Variants in HIF1A observed in about 807,000 individuals in gnomAD.
HIF1A encodes the protein hypoxia inducible factor 1 subunit alpha.
A neutral mutation model predicts 92.7 loss-of-function variants in HIF1A; 24 were observed. The ratio of observed to expected loss-of-function variants is 0.26; its 90% CI spans 0.19 to 0.36. The LOEUF is 0.36. HIF1A is among the 10% of genes least tolerant of loss of function. The probability of loss-of-function intolerance (pLI) is 1.00; values close to 1 mark genes in which losing one functional copy is unlikely to be tolerated. For synonymous variants in HIF1A, 319 were observed against 338.7 expected (o/e 0.94, Z 0.64); for missense variants, 799 against 998.5 (o/e 0.80, Z 2.69).
chr14:61,722,112 G>C (rs2044438380), intron 4 of HIF1A, among the ~76,000 whole-genome samples: 2 of 148,668 alleles, frequency 1.3e-5, no homozygotes, highest in Non-Finnish European at 1.5e-5. Context: ...TTAAGATGGG[G>C]TCTCGCTCTT....
rs780535758 is a variant in HIF1A at position 61,721,723 on chromosome 14, A to T, written c.373-16A>T. ...ATTTTATGATCTAGCCCTAATTTTT[A>T]AAAATGTGTTTACAGTTTGAACTAA... On this transcript the variant is annotated splice_polypyrimidine_tract_variant and intron_variant, in intron 3 of 14. Coordinates refer to ENST00000337138, the MANE Select transcript of HIF1A (RefSeq NM_001530.4). 4.3e-6 allele frequency: 7 copies of T among 1,612,216 alleles called. No individual in the cohort carries two copies. In the South Asian group the frequency reaches 5.5e-5, roughly 13 times the overall value.
At chr14:61,741,589 A>G (rs956156865) in intron 12 of HIF1A, among the ~76,000 whole-genome samples, 1 of 151,880 alleles carries the variant, frequency 6.6e-6, no homozygotes, top group Non-Finnish European at 1.5e-5. Context: ...GGCTGGTCTC[A>G]AACTCCCGAC....
intron 4 of HIF1A, among the ~76,000 whole-genome samples, chr14:61,725,421 ATT>A (rs67173331): frequency 6.6e-6 from 1 of 150,382 alleles, no homozygotes; most frequent in Non-Finnish European, 1.5e-5. Context: ...ATTTTTTTTA[ATT>A]TTTTTTTTTG....
chr14:61,702,527 A>C (rs150894285), intron 1 of HIF1A, among the ~76,000 whole-genome samples: 1,994 of 151,302 alleles, frequency 0.013, 51 homozygotes, highest in African/African-American at 0.045. Context: ...AAAGTTAAAG[A>C]ATCTCCTTTG....
In HIF1A at chr14:61,695,829, G is replaced by T; in HGVS notation, c.25G>T (p.Asp9Tyr). Residue 9 changes from aspartate to tyrosine, a missense_variant, in exon 1 of 15, where the codon GAC becomes TAC. Asp to Tyr is a radical substitution (Grantham distance 160). Coordinates refer to ENST00000337138, the MANE Select transcript of HIF1A (RefSeq NM_001530.4). Reference protein sequence around the residue: MEGAGGANDKKKISSERRK... With the variant: MEGAGGANYKKKISSERRK... Reference sequence around the variant, plus strand: ...CATGGAGGGCGCCGGCGGCGCGAACGACAAGAAAAAGTAAGCCCATTCCCT... The same window carrying T: ...CATGGAGGGCGCCGGCGGCGCGAACTACAAGAAAAAGTAAGCCCATTCCCT... 2 of 1,592,860 alleles carry T rather than the reference G, an allele frequency of 1.3e-6. No individual in the cohort carries two copies. Among genetic ancestry groups the T allele is most frequent in the South Asian group, 1.1e-5 (1 of 87,458 alleles).
chr14:61,710,269 G>A (rs1472402381), intron 1 of HIF1A, among the ~76,000 whole-genome samples: 1 of 152,158 alleles, frequency 6.6e-6, no homozygotes, highest in Non-Finnish European at 1.5e-5. Context: ...TGTTTTGTCA[G>A]TTAGGGATTG....
At chr14:61,720,904 C>T (rs1052978534) in intron 2 of HIF1A, among the ~76,000 whole-genome samples, 2 of 152,114 alleles carry the variant, frequency 1.3e-5, no homozygotes, top group Non-Finnish European at 2.9e-5. Flanking sequence ...GGCTTTTCCC[C>T]TCCCCCCTTT....
At chr14:61,719,624 A>C (rs1156358204) in intron 1 of HIF1A, among the ~76,000 whole-genome samples, 2 of 152,136 alleles carry the variant, frequency 1.3e-5, no homozygotes, top group African/African-American at 2.4e-5. Flanking sequence ...AATCTTTCTG[A>C]TTTCCTTCTT....
Position 61,744,860 on chromosome 14 carries a change from CGTGTGTGTGTGTGT to C in HIF1A, c.2202+68_2202+81del, listed in dbSNP as rs60361955. ...TGCTTTTCTAGCTAATGTGCTATTT[CGTGTGTGTGTGTGT>C]GTGTGTGTGTGTGTGTGTGTTTCCA... On this transcript the variant is annotated intron_variant, in intron 13 of 14. Transcript: ENST00000337138. The C allele has an allele frequency of 1.4e-3, 729 of 531,704 alleles. 3 individuals are homozygous for C. The highest frequency in any genetic ancestry group is 0.01 in the African/African-American group (515 of 51,008). The allele number at this position is 531,704 out of a possible 1,614,324, so 32.9% of individuals were successfully genotyped here.
At position 61,742,714 on chromosome 14, in the gene HIF1A, G is replaced by A. The variant is rs141062661; in HGVS notation, c.2093+1526G>A. ...CAGCCTGGCCAACATGGTGAAACCC[G>A]GTCTACTAAAAATGCAAAAATTAGC... is the stretch of plus-strand genomic sequence containing the variant. On this transcript the variant is annotated intron_variant, in intron 12 of 14. Transcript: ENST00000337138. Among the ~76,000 whole-genome samples, 744 of 151,614 alleles carry A rather than the reference G, an allele frequency of 4.9e-3. 3 individuals carry two copies. The highest frequency in any genetic ancestry group is 8.7e-3 in the Non-Finnish European group (590 of 67,836).
intron 10 of HIF1A, among the ~76,000 whole-genome samples, chr14:61,738,948 A>C (rs1401165202): frequency 1.2e-4 from 18 of 151,852 alleles, no homozygotes; most frequent in Admixed American, 3.3e-4. Flanking sequence ...TGGGGTTCTC[A>C]CTATGTTGCT....
At chr14:61,745,283 C>T (rs374851525) in intron 13 of HIF1A, among the ~76,000 whole-genome samples, 6 of 152,044 alleles carry the variant, frequency 3.9e-5, no homozygotes, top group Admixed American at 6.6e-5. Context: ...ATTAGCCAGG[C>T]GTGTTGGTGC....
Position 61,744,822 on chromosome 14 carries a change from G to A in HIF1A, c.2202+9G>A. ...TTCAAGCAGTAGGAATTGTAAGTAT[G>A]AGTAGTAGGTTTTGCTTTTCTAGCT... On this transcript the variant is annotated intron_variant, in intron 13 of 14. Coordinates refer to ENST00000337138, the MANE Select transcript of HIF1A (RefSeq NM_001530.4). The A allele has an allele frequency of 1.4e-6, 2 of 1,395,454 alleles. No individual in the cohort carries two copies. The highest frequency in any genetic ancestry group is 2.0e-6 in the Non-Finnish European group (2 of 986,348). The allele number at this position is 1,395,454 out of a possible 1,614,324, so 86.4% of individuals were successfully genotyped here.
chr14:61,727,685 AT>A, intron 6 of HIF1A, 30 bp downstream of exon 6: 1 of 1,457,702 alleles, frequency 6.9e-7, no homozygotes, highest in Non-Finnish European at 9.6e-7. Flanking sequence ...TGAATTTGAA[AT>A]TTTTAATTAG....
intron 1 of HIF1A, among the ~76,000 whole-genome samples, 163 bp downstream of exon 1, chr14:61,696,002 G>C (rs891460518): frequency 6.6e-6 from 1 of 152,160 alleles, no homozygotes; most frequent in Non-Finnish European, 1.5e-5. Context: ...CTCGCCGGCC[G>C]GGCTCCCCCG....
chr14:61,727,698 C>T, intron 6 of HIF1A, 43 bp downstream of exon 6: 1 of 1,336,564 alleles, frequency 7.5e-7, no homozygotes, highest in Admixed American at 1.7e-5. Context: ...TTTAATTAGT[C>T]TACAGCATTA....
chr14:61,699,363 C>T (rs2044151886), intron 1 of HIF1A, among the ~76,000 whole-genome samples: 2 of 152,126 alleles, frequency 1.3e-5, no homozygotes, highest in African/African-American at 4.8e-5. Flanking sequence ...CTAATGGTGT[C>T]ACGGCTCAGG....
chr14:61,702,273 C>CA (rs34312928), intron 1 of HIF1A, among the ~76,000 whole-genome samples: 63,080 of 101,898 alleles, frequency 0.62, 20,508 homozygotes, highest in Non-Finnish European at 0.74. Context: ...ACTAAAAATA[C>CA]AAAAAAAAAA....
At position 61,734,293 on chromosome 14, in the gene HIF1A, A is replaced by T. The variant is rs1476766388; in HGVS notation, c.1028+8A>T. 1.3e-6 allele frequency: 2 copies of T among 1,596,798 alleles called. No individual in the cohort carries two copies. The highest frequency in any genetic ancestry group is 1.7e-6 in the Non-Finnish European group (2 of 1,170,120). ...TGTGAATTACGTTGTGAGGTAAGTA[A>T]GTTTGAGAAATAAACATTTTTGGGG... On this transcript the variant is annotated splice_region_variant and intron_variant, in intron 8 of 14. Transcript: ENST00000337138.
Sources: allele counts gnomAD v4.1 joint callset (sites outside exome capture counted in the v4.1 genomes callset), GRCh38; gene constraint gnomAD v4.1.1; transcripts MANE v1.5; gene names NCBI Gene and HGNC (gene_info 2026-07-23, HGNC 2026-07-21).